LMNTD1: variants seen among roughly 807,000 people sequenced by gnomAD.
LMNTD1 encodes the protein lamin tail domain containing 1.
A neutral mutation model predicts 50.9 loss-of-function variants in LMNTD1; 35 were observed. The ratio of observed to expected loss-of-function variants is 0.69; its 90% CI spans 0.53 to 0.91. The LOEUF (loss-of-function observed/expected upper bound fraction) is 0.91. Among genes scored for constraint, LMNTD1 ranks in the 40% least tolerant of loss-of-function variants. The probability of loss-of-function intolerance (pLI) is 0.00; values close to 1 mark genes in which losing one functional copy is unlikely to be tolerated. For synonymous variants in LMNTD1, 153 were observed against 161.9 expected (o/e 0.94, Z 0.42); for missense variants, 470 against 475.5 (o/e 0.99, Z 0.11).
chr12:25,626,051 T>C (rs1001331002), intron 1 of LMNTD1, among the ~76,000 whole-genome samples: 3 of 152,176 alleles, frequency 2.0e-5, no homozygotes, highest in African/African-American at 7.2e-5. Context: ...AAGGAAAAAA[T>C]AAGGTAGCAT....
chr12:25,515,446 A>AAT (rs200671181), intron 8 of LMNTD1, among the ~76,000 whole-genome samples: 3 of 151,910 alleles, frequency 2.0e-5, no homozygotes, highest in Non-Finnish European at 2.9e-5. Context: ...AATTATTTTA[A>AAT]ATATATATAT....
chr12:25,620,864 A>G (rs1946459679), intron 1 of LMNTD1, among the ~76,000 whole-genome samples: 1 of 152,146 alleles, frequency 6.6e-6, no homozygotes, highest in Non-Finnish European at 1.5e-5. Flanking sequence ...TACGCGCTCT[A>G]CCATCGTTCT....
At chr12:25,628,490 T>C (rs1228674354) in intron 1 of LMNTD1, among the ~76,000 whole-genome samples, 1 of 152,084 alleles carries the variant, frequency 6.6e-6, no homozygotes, top group Non-Finnish European at 1.5e-5. Context: ...AATAATCACT[T>C]CCCCCAAGAT....
chr12:25,619,255 TA>T (rs1946423517), intron 1 of LMNTD1, among the ~76,000 whole-genome samples: 1 of 50,942 alleles, frequency 2.0e-5, no homozygotes, highest in South Asian at 6.1e-4. Flanking sequence ...TCTCTCTCTA[TA>T]TATATATATA....
chr12:25,494,400 T>G (rs990234922), intron 9 of LMNTD1, among the ~76,000 whole-genome samples: 21 of 151,514 alleles, frequency 1.4e-4, no homozygotes, highest in African/African-American at 5.1e-4. Context: ...AGTTTTACAT[T>G]TTTTCATATT....
intron 1 of LMNTD1, among the ~76,000 whole-genome samples, chr12:25,605,959 C>G (rs992606359): frequency 1.1e-4 from 16 of 152,176 alleles, no homozygotes; most frequent in African/African-American, 3.6e-4. Flanking sequence ...ATTCTTCTAT[C>G]CATGAGCATG....
intron 9 of LMNTD1, among the ~76,000 whole-genome samples, chr12:25,490,146 C>G (rs1938836564): frequency 6.6e-6 from 1 of 151,000 alleles, no homozygotes; most frequent in African/African-American, 2.4e-5. Context: ...CCTTACTTTT[C>G]TCTAATCCCT....
At chr12:25,516,087 G>A (rs1940741357) in intron 8 of LMNTD1, among the ~76,000 whole-genome samples, 1 of 152,118 alleles carries the variant, frequency 6.6e-6, no homozygotes, top group Non-Finnish European at 1.5e-5. Flanking sequence ...AGATGAACTG[G>A]TAATTCAGGG....
At chr12:25,585,209 A>G (rs1407989802) in intron 1 of LMNTD1, among the ~76,000 whole-genome samples, 1 of 152,154 alleles carries the variant, frequency 6.6e-6, no homozygotes, top group Non-Finnish European at 1.5e-5. Context: ...ATAAAGGCTC[A>G]CCCTCAGCAA....
chr12:25,616,567 G>A (rs1038926065), intron 1 of LMNTD1, among the ~76,000 whole-genome samples: 2 of 152,180 alleles, frequency 1.3e-5, no homozygotes, highest in African/African-American at 4.8e-5. Flanking sequence ...TCCTGGTGGT[G>A]ATGGAAATGT....
intron 1 of LMNTD1, among the ~76,000 whole-genome samples, chr12:25,602,839 A>C (rs1946009663): frequency 6.6e-6 from 1 of 151,988 alleles, no homozygotes; most frequent in African/African-American, 2.4e-5. Flanking sequence ...ATTCAGGCTT[A>C]TTTTTCAATG....
intron 1 of LMNTD1, among the ~76,000 whole-genome samples, chr12:25,623,478 C>A (rs1409176324): frequency 7.2e-6 from 1 of 138,244 alleles, no homozygotes; most frequent in African/African-American, 2.7e-5. Flanking sequence ...CACTTGAACC[C>A]AGGAGGTGGA....
chr12:25,492,779 T>C (rs911027887), intron 9 of LMNTD1, among the ~76,000 whole-genome samples: 5 of 152,226 alleles, frequency 3.3e-5, no homozygotes, highest in African/African-American at 1.2e-4. Flanking sequence ...CTATCCTACA[T>C]GCTGCTGGAT....
intron 1 of LMNTD1, among the ~76,000 whole-genome samples, chr12:25,573,149 C>T (rs191208490): frequency 5.3e-4 from 81 of 152,084 alleles, no homozygotes; most frequent in Non-Finnish European, 3.8e-4. Context: ...CTGGTCAGTC[C>T]TTGGCCTTTT....
intron 1 of LMNTD1, among the ~76,000 whole-genome samples, chr12:25,636,834 G>A (rs1053343154): frequency 2.0e-5 from 3 of 152,156 alleles, no homozygotes; most frequent in African/African-American, 7.2e-5. Flanking sequence ...AGCATTTGCA[G>A]CAATCTTCAC....
At chr12:25,503,396 T>G (rs1008596382) in intron 9 of LMNTD1, among the ~76,000 whole-genome samples, 2 of 152,196 alleles carry the variant, frequency 1.3e-5, no homozygotes, top group African/African-American at 4.8e-5. Flanking sequence ...TCATAGGAAT[T>G]AAAATGTACT....
At chr12:25,609,264 G>A (rs1040470034) in intron 1 of LMNTD1, among the ~76,000 whole-genome samples, 23 of 152,218 alleles carry the variant, frequency 1.5e-4, no homozygotes, top group South Asian at 6.2e-4. Flanking sequence ...CGATGGGTTC[G>A]AACATCCTCC....
chr12:25,562,461 GC>G (rs1425679518), intron 1 of LMNTD1, among the ~76,000 whole-genome samples: 1 of 152,136 alleles, frequency 6.6e-6, no homozygotes. Context: ...TTGAATATTG[GC>G]CCCCACTCTC....
chr12:25,566,876 CTCT>C (rs1334033399), intron 1 of LMNTD1, among the ~76,000 whole-genome samples: 4 of 152,160 alleles, frequency 2.6e-5, no homozygotes, highest in Non-Finnish European at 1.5e-5. Flanking sequence ...TTTAATTATT[CTCT>C]TGACAATTTG....
Sources: gnomAD v4.1 joint callset for allele counts (sites outside exome capture counted in the v4.1 genomes callset) on GRCh38, gnomAD v4.1.1 for gene constraint, MANE v1.5 for transcripts, NCBI Gene and HGNC (gene_info 2026-07-23, HGNC 2026-07-21) for gene names.